The following LVRN variants were observed in gnomAD, a reference collection of about 807,000 sequenced individuals.
The protein encoded by LVRN is aminopeptidase Q.
Under a neutral mutation model 111.4 loss-of-function variants are expected in LVRN, and 99 were observed. That is an observed-to-expected ratio of 0.89 (90% CI 0.76 to 1.05). The LOEUF is 1.05. Among genes scored for constraint, LVRN ranks in the 50% least tolerant of loss-of-function variants. The pLI, the probability that LVRN is intolerant of heterozygous loss-of-function variation, is 0.00. For synonymous variants in LVRN, 488 were observed against 449.5 expected (o/e 1.09, Z -1.08); for missense variants, 1,414 against 1,206.8 (o/e 1.17, Z -2.54).
intron 13 of LVRN, among the ~76,000 whole-genome samples, chr5:116,006,387 T>C (rs546364991): frequency 2.6e-5 from 4 of 152,218 alleles, no homozygotes; most frequent in Non-Finnish European, 5.9e-5. Context: ...GTATTTTTTC[T>C]CTTTCTTTAG....
intron 12 of LVRN, among the ~76,000 whole-genome samples, chr5:116,003,874 C>T (rs1399660720): frequency 6.6e-6 from 1 of 152,168 alleles, no homozygotes; most frequent in African/African-American, 2.4e-5. Context: ...AGCCACCGCG[C>T]CGGCCAAATG....
At position 115,979,013 on chromosome 5, in the gene LVRN, T is replaced by A. The variant is rs1053299198; in HGVS notation, c.696-4274T>A. Among the ~76,000 whole-genome samples the A allele has an allele frequency of 5.3e-5, 8 of 152,304 alleles. 1 individual carries two copies. The highest frequency in any genetic ancestry group is 3.9e-4 in the Admixed American group (6 of 15,298). On this transcript the variant is annotated intron_variant, in intron 1 of 19. Coordinates refer to ENST00000357872, the MANE Select transcript of LVRN (RefSeq NM_173800.5). ...TATTTCTTTGTTCTGATAGTCATCA[T>A]GACTTCTTCCTCAGCCCCTAGACAC... is the stretch of plus-strand genomic sequence containing the variant.
intron 1 of LVRN, among the ~76,000 whole-genome samples, chr5:115,974,112 A>T (rs979999019): frequency 1.3e-5 from 2 of 152,176 alleles, no homozygotes; most frequent in Non-Finnish European, 2.9e-5. Context: ...TCATAGTAGA[A>T]AGTTCTTTGC....
intron 17 of LVRN, 72 bp from the exon 18 acceptor site, chr5:116,015,556 G>A: frequency 6.6e-7 from 1 of 1,523,390 alleles, no homozygotes; most frequent in Non-Finnish European, 8.8e-7. Context: ...ATGGGATTTT[G>A]ATTTTGTTTA....
chr5:115,963,007 C>G lies in LVRN; in HGVS notation c.390C>G (p.Arg130=). 6.2e-7 allele frequency: 1 copy of G among 1,613,606 alleles called. No homozygotes were observed. The highest frequency in any genetic ancestry group is 8.5e-7 in the Non-Finnish European group (1 of 1,179,912). Residue 130 remains arginine (R), a synonymous_variant, in exon 1 of 20, where the codon CGC becomes CGG. Coordinates refer to ENST00000357872, the MANE Select transcript of LVRN (RefSeq NM_173800.5). Reference sequence around the variant, plus strand: ...CCGGGTCTTTGCCCTTCACTGGCCGCGTGAACATCACGGTGCGCTGCACGG... The same window carrying G: ...CCGGGTCTTTGCCCTTCACTGGCCGGGTGAACATCACGGTGCGCTGCACGG... ...LPAGSLPFTG[R]VNITVRCTVA...
At chr5:115,988,028 G>A (rs1747908668) in intron 4 of LVRN, 89 bp downstream of exon 4, 3 of 1,482,536 alleles carry the variant, frequency 2.0e-6, no homozygotes, top group Non-Finnish European at 2.7e-6. Flanking sequence ...AAACCCATAA[G>A]GATTCACCAT....
chr5:115,978,726 G>A (rs907484070), intron 1 of LVRN, among the ~76,000 whole-genome samples: 2 of 152,080 alleles, frequency 1.3e-5, no homozygotes, highest in African/African-American at 4.8e-5. Flanking sequence ...GGTACAGGGT[G>A]GTAGTCCTTC....
At chr5:116,020,134 C>T (rs905243092) in intron 18 of LVRN, 5 of 152,204 alleles carry the variant, frequency 3.3e-5, no homozygotes, top group African/African-American at 1.2e-4. Context: ...TTGCCCCTCA[C>T]TCTCATGTAC....
intron 18 of LVRN, among the ~76,000 whole-genome samples, chr5:116,018,676 C>G (rs1426689708): frequency 7.3e-6 from 1 of 137,708 alleles, no homozygotes; most frequent in Admixed American, 7.0e-5. Context: ...AACTCCATCT[C>G]CAAAAAAGAA....
At chr5:115,997,133 G>C (rs1006637295) in intron 6 of LVRN, among the ~76,000 whole-genome samples, 12 of 152,052 alleles carry the variant, frequency 7.9e-5, no homozygotes, top group African/African-American at 2.9e-4. Flanking sequence ...GGAACATCAT[G>C]AAAATTAATT....
At chr5:115,996,161 T>C (rs1366409009) in intron 6 of LVRN, among the ~76,000 whole-genome samples, 1 of 152,180 alleles carries the variant, frequency 6.6e-6, no homozygotes, top group African/African-American at 2.4e-5. Context: ...ATAGAGTAAA[T>C]AAGGGAAGAA....
At chr5:115,968,328 T>C (rs1266354728) in intron 1 of LVRN, among the ~76,000 whole-genome samples, 3 of 152,224 alleles carry the variant, frequency 2.0e-5, no homozygotes, top group Non-Finnish European at 4.4e-5. Flanking sequence ...TAACACTTTT[T>C]CTGCATAAAT....
At chr5:116,006,649 G>A (rs1748381603) in intron 13 of LVRN, among the ~76,000 whole-genome samples, 1 of 152,054 alleles carries the variant, frequency 6.6e-6, no homozygotes, top group Non-Finnish European at 1.5e-5. Flanking sequence ...GAGCTTCTTA[G>A]GACCAATCAT....
chr5:116,002,019 A>G (rs1236125681), intron 10 of LVRN, among the ~76,000 whole-genome samples: 1 of 152,178 alleles, frequency 6.6e-6, no homozygotes, highest in Non-Finnish European at 1.5e-5. Context: ...TATCAGCACA[A>G]ATGAGTAATT....
chr5:116,005,943 T>A lies in LVRN; in HGVS notation c.2069T>A (p.Ile690Asn). ...CCTGTTATTCACAGACTGCAGTTGA[T>A]TGATGATGCCTTTTCCTTGTCTAAG... ...AIPVIHRLQL[I>N]DDAFSLSKNN... The change falls in exon 13 of 20, where the codon ATT (isoleucine) becomes AAT (asparagine). Residue 690 changes from isoleucine (I) to asparagine (N), a missense_variant. Physicochemically the swap from Ile to Asn is moderately radical, Grantham distance 149. Coordinates refer to ENST00000357872, the MANE Select transcript of LVRN (RefSeq NM_173800.5). The A allele has an allele frequency of 6.3e-7, 1 of 1,593,930 alleles. No homozygotes were observed. Among genetic ancestry groups the A allele is most frequent in the Non-Finnish European group, 8.6e-7 (1 of 1,161,768 alleles).
At chr5:115,981,563 G>A (rs1054658312) in intron 1 of LVRN, among the ~76,000 whole-genome samples, 1 of 152,076 alleles carries the variant, frequency 6.6e-6, no homozygotes, top group Non-Finnish European at 1.5e-5. Context: ...ATCCCCTCAA[G>A]CATTTATCCT....
At chr5:116,021,854 G>A in intron 18 of LVRN, 1 of 356,444 alleles carries the variant, frequency 2.8e-6, no homozygotes, top group Non-Finnish European at 5.4e-6. Flanking sequence ...AAGTTTCCAT[G>A]ACCACGCCTA....
intron 2 of LVRN, 67 bp downstream of exon 2, chr5:115,983,496 A>G (rs1747767740): frequency 1.3e-6 from 2 of 1,486,830 alleles, no homozygotes; most frequent in African/African-American, 1.4e-5. Context: ...CATTTATACC[A>G]GTAGCTTTTC....
At chr5:116,005,619 T>G (rs1748350414) in intron 12 of LVRN, among the ~76,000 whole-genome samples, 1 of 152,248 alleles carries the variant, frequency 6.6e-6, no homozygotes, top group Non-Finnish European at 1.5e-5. Flanking sequence ...CTTTTAAATT[T>G]GGTTGCCTGT....
Sources: allele counts gnomAD v4.1 joint callset (sites outside exome capture counted in the v4.1 genomes callset), GRCh38; gene constraint gnomAD v4.1.1; transcripts MANE v1.5; gene names NCBI Gene and HGNC (gene_info 2026-07-23, HGNC 2026-07-21).